NAALADL2: variants seen among roughly 807,000 people sequenced by gnomAD.
NAALADL2 encodes the protein N-acetylated alpha-linked acidic dipeptidase like 2.
Under a neutral mutation model 87.2 loss-of-function variants are expected in NAALADL2, and 76 were observed. The ratio of observed to expected loss-of-function variants is 0.87; its 90% CI spans 0.72 to 1.05. The LOEUF (loss-of-function observed/expected upper bound fraction) is 1.05, where lower values mean the gene tolerates loss of function less well. Ranked by LOEUF, NAALADL2 falls within the 50% of genes least tolerant of loss-of-function variation. The pLI is 0.00. For missense variants in NAALADL2, 1,089 were observed against 945.8 expected, an observed-to-expected ratio of 1.15 and a Z score of -1.99; for synonymous variants, 354 against 331.0, an observed-to-expected ratio of 1.07 and a Z score of -0.75.
At chr3:175,801,650 AT>A (rs1754164446) in intron 13 of NAALADL2, among the ~76,000 whole-genome samples, 1 of 152,094 alleles carries the variant, frequency 6.6e-6, no homozygotes, top group Non-Finnish European at 1.5e-5. Flanking sequence ...CCCAGTAGCA[AT>A]ATATCATCTG....
chr3:175,453,698 G>A (rs1287214307), intron 6 of NAALADL2, among the ~76,000 whole-genome samples: 1 of 152,062 alleles, frequency 6.6e-6, no homozygotes, highest in Non-Finnish European at 1.5e-5. Context: ...ATGGTTCAGG[G>A]TATCATCAGT....
chr3:175,286,098 C>T (rs983862429), intron 4 of NAALADL2, among the ~76,000 whole-genome samples: 6 of 152,070 alleles, frequency 3.9e-5, no homozygotes, highest in African/African-American at 1.4e-4. Flanking sequence ...AAGATAATTG[C>T]AAAATGCACT....
intron 2 of NAALADL2, among the ~76,000 whole-genome samples, chr3:174,704,169 C>G (rs896269624): frequency 3.9e-5 from 6 of 152,074 alleles, no homozygotes; most frequent in Non-Finnish European, 7.4e-5. Flanking sequence ...CTCTCTCTCT[C>G]TTTTTTTCTG....
chr3:175,576,219 C>T (rs1319672676), intron 10 of NAALADL2, 32 bp downstream of exon 10: 6 of 1,597,532 alleles, frequency 3.8e-6, no homozygotes, highest in Non-Finnish European at 4.3e-6. Flanking sequence ...AAAACACACA[C>T]ACACAATATA....
intron 1 of NAALADL2, among the ~76,000 whole-genome samples, chr3:174,900,896 C>G (rs73047012): frequency 0.11 from 16,956 of 151,904 alleles, 1,119 homozygotes; most frequent in African/African-American, 0.17. Context: ...TTCCCCTATA[C>G]TTTGTCATGA....
intron 4 of NAALADL2, among the ~76,000 whole-genome samples, chr3:175,283,999 C>T (rs536072447): frequency 2.6e-5 from 4 of 152,036 alleles, no homozygotes; most frequent in Non-Finnish European, 4.4e-5. Flanking sequence ...TAAATTTATC[C>T]TTGCACCCTC....
intron 2 of NAALADL2, among the ~76,000 whole-genome samples, chr3:175,230,894 T>C (rs1368280503): frequency 1.3e-5 from 2 of 152,096 alleles, no homozygotes; most frequent in East Asian, 3.9e-4. Flanking sequence ...GCATACCTTA[T>C]GGACCAATAA....
chr3:175,428,153 C>T (rs1467510054), intron 5 of NAALADL2, among the ~76,000 whole-genome samples: 2 of 151,986 alleles, frequency 1.3e-5, no homozygotes, highest in Non-Finnish European at 2.9e-5. Flanking sequence ...GTTTTTGTAT[C>T]TTATATTTAT....
intron 11 of NAALADL2, among the ~76,000 whole-genome samples, chr3:175,701,599 A>G (rs916150888): frequency 2.0e-5 from 3 of 152,132 alleles, no homozygotes; most frequent in African/African-American, 7.2e-5. Context: ...CTAGTTGGCT[A>G]TGATTTTACC....
At chr3:175,656,528 C>G (rs1162424552) in intron 11 of NAALADL2, among the ~76,000 whole-genome samples, 1 of 152,070 alleles carries the variant, frequency 6.6e-6, no homozygotes, top group Non-Finnish European at 1.5e-5. Context: ...AAATCTTCAC[C>G]AACCCAAAAT....
At chr3:174,952,442 A>G (rs949206246) in intron 1 of NAALADL2, among the ~76,000 whole-genome samples, 2 of 152,130 alleles carry the variant, frequency 1.3e-5, no homozygotes, top group African/African-American at 4.8e-5. Flanking sequence ...CAATTTTCCT[A>G]TAACCTCAGA....
At chr3:175,646,428 T>C (rs1273121241) in intron 11 of NAALADL2, among the ~76,000 whole-genome samples, 2 of 152,158 alleles carry the variant, frequency 1.3e-5, no homozygotes, top group African/African-American at 4.8e-5. Context: ...CTTATGTGGA[T>C]GGTTTTTCCA....
intron 1 of NAALADL2, among the ~76,000 whole-genome samples, chr3:174,493,767 A>G (rs779550082): frequency 5.3e-5 from 8 of 152,180 alleles, no homozygotes; most frequent in Non-Finnish European, 8.8e-5. Context: ...TTCTCAATCA[A>G]TATGTTTATT....
chr3:175,028,929 C>T (rs1424329422), intron 1 of NAALADL2, among the ~76,000 whole-genome samples: 1 of 151,280 alleles, frequency 6.6e-6, no homozygotes, highest in Non-Finnish European at 1.5e-5. Context: ...AATCAAAAGT[C>T]TCATAAGTTG....
At chr3:175,542,754 C>T (rs981946608) in intron 9 of NAALADL2, among the ~76,000 whole-genome samples, 1 of 152,134 alleles carries the variant, frequency 6.6e-6, no homozygotes, top group African/African-American at 2.4e-5. Flanking sequence ...GTAAGTGGAC[C>T]TACACAGTTT....
At chr3:175,126,135 G>A (rs556995908) in intron 2 of NAALADL2, among the ~76,000 whole-genome samples, 2 of 152,072 alleles carry the variant, frequency 1.3e-5, no homozygotes, top group Non-Finnish European at 2.9e-5. Context: ...AGTAATTGGT[G>A]ATTGCAACAA....
intron 4 of NAALADL2, among the ~76,000 whole-genome samples, chr3:175,267,038 A>C (rs1052037058): frequency 2.0e-5 from 3 of 151,538 alleles, no homozygotes; most frequent in Non-Finnish European, 4.4e-5. Context: ...AACTAGTAAA[A>C]AAAAAAAAGT....
chr3:174,493,145 G>C (rs531151952), intron 1 of NAALADL2, among the ~76,000 whole-genome samples: 1 of 152,214 alleles, frequency 6.6e-6, no homozygotes, highest in East Asian at 1.9e-4. Flanking sequence ...GGTGTTATGG[G>C]CTGGATTATG....
In NAALADL2 at chr3:174,714,086, G is replaced by A. The variant is rs1171480258; in HGVS notation, c.-114-23555G>A. 2.6e-5 allele frequency among the ~76,000 whole-genome samples: 4 copies of A among 152,166 alleles called. No individual in the cohort carries two copies. The East Asian group carries it at 7.7e-4, about 29-fold the overall frequency. On this transcript the variant is annotated intron_variant, in intron 2 of 3. Coordinates refer to the NAALADL2 transcript ENST00000434257. ...CTTTCCCCATTTCTTGTTTTTGTCAGGTTTGTCAAAGATCAGATAGTTGTA... is the reference window on the plus strand; with the variant it reads ...CTTTCCCCATTTCTTGTTTTTGTCAAGTTTGTCAAAGATCAGATAGTTGTA...
Sources: gnomAD v4.1 joint callset for allele counts (sites outside exome capture counted in the v4.1 genomes callset) on GRCh38, gnomAD v4.1.1 for gene constraint, MANE v1.5 for transcripts, NCBI Gene and HGNC (gene_info 2026-07-23, HGNC 2026-07-21) for gene names.